The following TTN variants were observed in gnomAD, a reference collection of about 807,000 sequenced individuals.
The protein encoded by TTN is connectin.
In TTN, 1,525 loss-of-function variants were observed where a neutral mutation model predicts 3,223.0. The observed-to-expected ratio is 0.47, with a 90% CI of 0.45 to 0.49. The LOEUF is 0.49. Among genes scored for constraint, TTN ranks in the 20% least tolerant of loss-of-function variants. The pLI is 0.00. For missense variants in TTN, 40,786 were observed against 43,424.0 expected, an observed-to-expected ratio of 0.94 and a Z score of 5.40; for synonymous variants, 14,094 against 15,161.0, an observed-to-expected ratio of 0.93 and a Z score of 5.17.
At position 178,559,898 on chromosome 2, in the gene TTN, G is replaced by T. The variant is rs377367951; in HGVS notation, c.86234C>A (p.Ala28745Glu). ...TAAAGGTTCTTCTTCTCTTTCCTTTGCTATCTGAGGGTCAGAGCTATCACT... is the reference window on the plus strand; with the variant it reads ...TAAAGGTTCTTCTTCTCTTTCCTTTTCTATCTGAGGGTCAGAGCTATCACT... ...DPSDSSDPQI[A>E]KEREEEPLFD... The change falls in exon 326 of 363, where the codon GCA (alanine) becomes GAA (glutamate). Residue 28745 changes from alanine (A) to glutamate (E), a missense_variant. Physicochemically the swap from Ala to Glu is moderately radical, Grantham distance 107. Coordinates refer to ENST00000589042, the MANE Select transcript of TTN (RefSeq NM_001267550.2). 6.2e-7 allele frequency: 1 copy of T among 1,613,374 alleles called. No homozygotes were observed. The highest frequency in any genetic ancestry group is 1.1e-5 in the South Asian group (1 of 91,050).
At chr2:178,632,011 A>T (rs555404450) in intron 236 of TTN, 136 bp downstream of exon 236, 76 of 893,868 alleles carry the variant, frequency 8.5e-5, no homozygotes, top group Middle Eastern at 3.6e-4. Context: ...AAGCCTGATT[A>T]CATATGTGAT....
chr2:178,584,989 G>C lies in TTN; in HGVS notation c.64673-21C>G, dbSNP rs368099843. On this transcript the variant is annotated intron_variant, in intron 309 of 362. Coordinates refer to ENST00000589042, the MANE Select transcript of TTN (RefSeq NM_001267550.2). ...GGCATCTACATGAACCAAGAGGAAA[G>C]AAATGTAAGAACAAGGATTTGATAC... 2.5e-5 allele frequency: 40 copies of C among 1,608,766 alleles called. No individual in the cohort carries two copies. The African/African-American group carries it at 4.4e-4, about 18-fold the overall frequency.
chr2:178,725,903 A>G lies in TTN; in HGVS notation c.20419T>C (p.Tyr6807His). Residue 6807 changes from tyrosine (Y) to histidine (H), a missense_variant, in exon 70 of 363, where the codon TAC becomes CAC. Physicochemically the swap from Tyr to His is moderately conservative, Grantham distance 83. Coordinates refer to ENST00000589042, the MANE Select transcript of TTN (RefSeq NM_001267550.2). ...TGGAAGTTTTTGGATGCAATCTTGT[A>G]TTTCTTGCTGCTTCTGAGTTGCCGC... ...DKRQLRSSKKYKIASKNFHTS... is the reference protein window; with the variant it reads ...DKRQLRSSKKHKIASKNFHTS... The G allele has an allele frequency of 1.2e-6, 2 of 1,613,150 alleles. No homozygotes were observed. Among genetic ancestry groups the G allele is most frequent in the Non-Finnish European group, 1.7e-6 (2 of 1,179,462 alleles).
chr2:178,799,636 G>A lies in TTN; in HGVS notation c.765C>T (p.Pro255=), dbSNP rs1399406701. 2.5e-6 allele frequency: 4 copies of A among 1,613,974 alleles called. No individual in the cohort carries two copies. The highest frequency in any genetic ancestry group is 1.3e-5 in the African/African-American group (1 of 74,896). The change falls in exon 6 of 363, where the codon CCC becomes CCT. Residue 255 remains proline (P), a synonymous_variant. Transcript: ENST00000589042. The stretch of plus-strand genomic sequence containing the variant: ...TTGACTTTGGCTTCGGAGGAATCCT[G>A]GGAGGTGTTTTATGTGGCAGCTGTT... ...AGQQLPHKTP[P]RIPPKPKSRS...
rs901711927 is a variant in TTN at position 178,603,744 on chromosome 2, G to A, written c.54811+132C>T. 5 of 914,998 alleles carry A rather than the reference G, an allele frequency of 5.5e-6. No homozygotes were observed. The African/African-American group carries it at 6.7e-5, about 12-fold the overall frequency. The allele number at this position is 914,998 out of a possible 1,614,324, so 56.7% of individuals were successfully genotyped here. A position where few individuals can be genotyped will look rare whatever the true frequency, so the allele number is the denominator to read the frequency against. On this transcript the variant is annotated intron_variant, in intron 282 of 362. Transcript: ENST00000589042. ...AATATATACTTCCGATAGTCTATGT[G>A]AACATGAACCTTTTTTATTTTAATA...
chr2:178,725,267 A>G, intron 71 of TTN, 101 bp downstream of exon 71: 1 of 1,268,072 alleles, frequency 7.9e-7, no homozygotes, highest in Admixed American at 3.3e-5. Context: ...ATGAGGATAA[A>G]TATAGTTCTA....
In TTN at chr2:178,609,241, T is replaced by C. The variant is rs773768518; in HGVS notation, c.52069A>G (p.Ile17357Val). ...YMIKVENDHG[I>V]AKAPCTVSVL... ...CTGACAGTACAAGGAGCTTTTGCAA[T>C]ACCGTGGTCATTTTCAACTTTGATC... is the stretch of plus-strand genomic sequence containing the variant. Residue 17357 changes from isoleucine (I) to valine (V), a missense_variant, in exon 273 of 363, where the codon ATT becomes GTT. Ile to Val is a conservative substitution (Grantham distance 29, BLOSUM62 3). Coordinates refer to ENST00000589042, the MANE Select transcript of TTN (RefSeq NM_001267550.2). The C allele has an allele frequency of 3.9e-6, 6 of 1,528,072 alleles. No homozygotes were observed. The highest frequency in any genetic ancestry group is 1.4e-5 in the African/African-American group (1 of 71,926). 94.7% of individuals were successfully genotyped at this position (1,528,072 alleles called of 1,614,324 possible). A position where few individuals can be genotyped will look rare whatever the true frequency, so the allele number is the denominator to read the frequency against.
chr2:178,632,690 C>A lies in TTN; in HGVS notation c.43316G>T (p.Arg14439Leu), dbSNP rs764117439. The A allele has an allele frequency of 6.2e-7, 1 of 1,613,354 alleles. No homozygotes were observed. The highest frequency in any genetic ancestry group is 2.2e-5 in the East Asian group (1 of 44,814). ...GATTTCCTGGGTTCCTTTTAGCCAA[C>A]GGAATGTTTTGGGCTCCCTGGATAC... is the stretch of plus-strand genomic sequence containing the variant. ...CEVSREPKTF[R>L]WLKGTQEITG... Residue 14439 changes from arginine to leucine, a missense_variant, in exon 235 of 363, where the codon CGT becomes CTT. Arg to Leu is a moderately radical substitution (Grantham distance 102). Transcript: ENST00000589042.
chr2:178,635,325 G>A, intron 227 of TTN, 21 bp from the exon 228 acceptor site: 4 of 1,612,034 alleles, frequency 2.5e-6, no homozygotes, highest in Non-Finnish European at 3.4e-6. Context: ...CAGGGATGAA[G>A]TAACATAATG....
chr2:178,548,322 A>G lies in TTN; in HGVS notation c.93304T>C (p.Tyr31102His). 6.2e-7 allele frequency: 1 copy of G among 1,613,832 alleles called. No homozygotes were observed. The highest frequency in any genetic ancestry group is 8.5e-7 in the Non-Finnish European group (1 of 1,179,796). The change falls in exon 339 of 363, where the codon TAT becomes CAT. Residue 31102 changes from tyrosine (Y) to histidine (H), a missense_variant. Physicochemically the swap from Tyr to His is moderately conservative, Grantham distance 83 (BLOSUM62 2). Coordinates refer to ENST00000589042, the MANE Select transcript of TTN (RefSeq NM_001267550.2). The surrounding 1 kb of genome is among the most constrained non-coding windows in gnomAD (Gnocchi z 4.3). ...GCTACAATTGGTTCTGGCATTTCAT[A>G]GGGCTCACCAACACCATACTCATTT... ...AVNEYGVGEP[Y>H]EMPEPIVATE...
rs2076585330 is a variant in TTN at position 178,711,072 on chromosome 2, G to A, written c.28164C>T (p.Leu9388=). 1.3e-6 allele frequency: 2 copies of A among 1,582,584 alleles called. No individual in the cohort carries two copies. Among genetic ancestry groups the A allele is most frequent in the Non-Finnish European group, 1.7e-6 (2 of 1,165,752 alleles). ...TAAGAATCCACAAACCTGTGAGAAT[G>A]AGCCTGGCACTGGAAGAAGCAGAGC... is the stretch of plus-strand genomic sequence containing the variant. ...PIGSASSSAR[L]ILTEGKNPPF... is the part of the protein sequence containing the mutation. Residue 9388 remains leucine, a synonymous_variant, in exon 97 of 363, where the codon CTC becomes CTT. Transcript: ENST00000589042.
Position 178,778,950 on chromosome 2 carries a change from T to C in TTN, c.4132A>G (p.Lys1378Glu). Reference protein sequence around the residue: ...NIKGNAICSGKLYVEPAAPLG... With the variant: ...NIKGNAICSGELYVEPAAPLG... The stretch of plus-strand genomic sequence containing the variant: ...GGTGCAGCAGGCTCCACATACAATT[T>C]CCCTGAGCAAATTGCATTTCCTTTA... Residue 1378 changes from lysine to glutamate, a missense_variant, in exon 24 of 363, where the codon AAA becomes GAA. Lys to Glu is a moderately conservative substitution (Grantham distance 56). Coordinates refer to ENST00000589042, the MANE Select transcript of TTN (RefSeq NM_001267550.2). 6.2e-7 allele frequency: 1 copy of C among 1,613,992 alleles called. No homozygotes were observed. Among genetic ancestry groups the C allele is most frequent in the Non-Finnish European group, 8.5e-7 (1 of 1,179,926 alleles).
intron 78 of TTN, 128 bp downstream of exon 78, chr2:178,721,719 C>T: frequency 9.9e-7 from 1 of 1,013,512 alleles, no homozygotes; most frequent in South Asian, 2.6e-5. Context: ...TTGCCTCCAA[C>T]ACTAATACAC....
intron 47 of TTN, chr2:178,749,328 G>A: frequency 6.2e-7 from 1 of 1,612,552 alleles, no homozygotes; most frequent in Non-Finnish European, 8.5e-7. Flanking sequence ...CCTTCAGCCT[G>A]ACATTGTATG....
rs1462769161 is a variant in TTN, at chr2:178,712,866, G to T, written c.27159C>A (p.Phe9053Leu). The change falls in exon 94 of 363, where the codon TTC becomes TTA. Residue 9053 changes from phenylalanine to leucine, a missense_variant. By Grantham distance (22) the Phe-to-Leu change is conservative. Coordinates refer to ENST00000589042, the MANE Select transcript of TTN (RefSeq NM_001267550.2). ...KGTPPFSVSW[F>L]KGSSELVPGD... ...CTGGTACTAGTTCACTGCTACCTTT[G>T]AACCAGCTAACACTGAAAGGAGGTG... The T allele has an allele frequency of 6.2e-7, 1 of 1,613,592 alleles. No homozygotes were observed. Among genetic ancestry groups the T allele is most frequent in the Non-Finnish European group, 8.5e-7 (1 of 1,179,760 alleles).
Position 178,776,267 on chromosome 2 carries a change from C to T in TTN, c.5597G>A (p.Gly1866Asp), listed in dbSNP as rs2092214175. 12 of 1,614,082 alleles carry T rather than the reference C, an allele frequency of 7.4e-6. No individual in the cohort carries two copies. Among genetic ancestry groups the T allele is most frequent in the Non-Finnish European group, 1.0e-5 (12 of 1,179,992 alleles). ...ETARFRCRVT[G>D]YPQPKVNWYL... ...CCAGTTGACTTTGGGCTGAGGGTAG[C>T]CTGTTACCCTGCAGCGGAACCTTGC... Residue 1866 changes from glycine (G) to aspartate (D), a missense_variant, in exon 28 of 363, where the codon GGC (glycine) becomes GAC (aspartate). Gly to Asp is a moderately conservative substitution (Grantham distance 94, BLOSUM62 -1). Coordinates refer to ENST00000589042, the MANE Select transcript of TTN (RefSeq NM_001267550.2).
Position 178,739,155 on chromosome 2 carries a change from G to C in TTN, c.14078C>G (p.Thr4693Ser). Residue 4693 changes from threonine (T) to serine (S), a missense_variant, in exon 48 of 363, where the codon ACT becomes AGT. By Grantham distance (58) the Thr-to-Ser change is moderately conservative. Transcript: ENST00000589042. ...SGKTATSAKL[T>S]VVKRAAPVIK... ...TAAAATCCAACCTCTTTTTACTACA[G>C]TGAGTTTGGCTGAAGTTGCTGTTTT... 6.6e-7 allele frequency: 1 copy of C among 1,511,134 alleles called. No homozygotes were observed. Among genetic ancestry groups the C allele is most frequent in the Non-Finnish European group, 8.8e-7 (1 of 1,131,602 alleles). The allele number at this position is 1,511,134 out of a possible 1,614,324, so 93.6% of individuals were successfully genotyped here.
intron 316 of TTN, 125 bp downstream of exon 316, chr2:178,581,374 A>T: frequency 1.4e-6 from 1 of 700,244 alleles, no homozygotes; most frequent in Non-Finnish European, 2.1e-6. Flanking sequence ...TCTCCTAAAA[A>T]GTACTCTTGG....
At position 178,717,775 on chromosome 2, in the gene TTN, T is replaced by C. The variant is rs1390057796; in HGVS notation, c.25099A>G (p.Lys8367Glu). The C allele has an allele frequency of 1.2e-6, 2 of 1,608,448 alleles. No individual in the cohort carries two copies. The highest frequency in any genetic ancestry group is 1.7e-6 in the Non-Finnish European group (2 of 1,177,310). Reference sequence around the variant, plus strand: ...AAGCCTAGAGTCTCATGAACGTCTTTCAGTTTTCTTGCAAAGAAAGGTGGA... The same window carrying C: ...AAGCCTAGAGTCTCATGAACGTCTTCCAGTTTTCTTGCAAAGAAAGGTGGA... ...KLPPFFARKLKDVHETLGFPV... is the reference protein window; with the variant it reads ...KLPPFFARKLEDVHETLGFPV... The change falls in exon 87 of 363, where the codon AAA (lysine) becomes GAA (glutamate). Residue 8367 changes from lysine (K) to glutamate (E), a missense_variant. By Grantham distance (56) the Lys-to-Glu change is moderately conservative. Transcript: ENST00000589042.
Sources: gnomAD v4.1 joint callset for allele counts on GRCh38, gnomAD v4.1.1 for gene constraint, Gnocchi (gnomAD v3.1) non-coding constraint, MANE v1.5 for transcripts, NCBI Gene and HGNC (gene_info 2026-07-23, HGNC 2026-07-21) for gene names.